Variants in ADGRV1 observed in about 807,000 individuals in gnomAD.
ADGRV1 encodes the protein adhesion G protein-coupled receptor V1, also known as G-protein coupled receptor 98.
ADGRV1 carries 359 observed loss-of-function variants against 596.2 expected under a neutral mutation model. That is an observed-to-expected ratio of 0.60 (90% CI 0.55 to 0.66). ADGRV1 has a LOEUF of 0.66. Ranked by LOEUF, ADGRV1 falls within the 30% of genes least tolerant of loss-of-function variation. The pLI, the probability that ADGRV1 is intolerant of heterozygous loss-of-function variation, is 0.00. For synonymous variants in ADGRV1, 2,681 were observed against 2,679.2 expected (o/e 1.00, Z -0.02); for missense variants, 7,274 against 7,575.6 (o/e 0.96, Z 1.48).
intron 11 of ADGRV1, among the ~76,000 whole-genome samples, chr5:90,638,226 G>A (rs989595551): frequency 6.6e-6 from 1 of 151,502 alleles, no homozygotes; most frequent in Non-Finnish European, 1.5e-5. Context: ...ATGAAACATA[G>A]CTAATATGTT....
At chr5:90,808,621 G>A (rs915561821) in intron 73 of ADGRV1, among the ~76,000 whole-genome samples, 3 of 152,210 alleles carry the variant, frequency 2.0e-5, no homozygotes, top group Non-Finnish European at 4.4e-5. Context: ...TTGGCCAGGC[G>A]TGGCGGCTCA....
intron 1 of ADGRV1, among the ~76,000 whole-genome samples, chr5:90,568,895 C>T (rs1449968633): frequency 6.6e-6 from 1 of 152,090 alleles, no homozygotes; most frequent in Non-Finnish European, 1.5e-5. Context: ...CATTTTCTGT[C>T]CTAATGTCTA....
At chr5:91,137,929 G>T (rs909430161) in intron 87 of ADGRV1, among the ~76,000 whole-genome samples, 27 of 152,212 alleles carry the variant, frequency 1.8e-4, no homozygotes, top group African/African-American at 6.3e-4. Flanking sequence ...CTGGATTTAC[G>T]TAAGGATAAA....
At chr5:90,729,054 TGATA>T in intron 49 of ADGRV1, 121 bp downstream of exon 49, 1 of 688,244 alleles carries the variant, frequency 1.5e-6, no homozygotes, top group South Asian at 2.6e-5. Context: ...GAATATTTCT[TGATA>T]GATAAGTATT....
chr5:90,846,141 G>T (rs1240652654), intron 78 of ADGRV1, among the ~76,000 whole-genome samples: 1 of 152,134 alleles, frequency 6.6e-6, no homozygotes, highest in East Asian at 1.9e-4. Context: ...TCATTTCAAG[G>T]TTGTCATAAG....
rs757909771 is a variant in ADGRV1, at chr5:90,851,134, T to TGTGTGTGTGAGAGAGAGAGA, written c.17205-2149_17205-2148insTGTGTGTGAGAGAGAGAGAG. 3.0e-3 allele frequency among the ~76,000 whole-genome samples: 247 copies of TGTGTGTGTGAGAGAGAGAGA among 81,468 alleles called. 2 individuals carry two copies. The highest frequency in any genetic ancestry group is 5.2e-3 in the East Asian group (12 of 2,318). The allele number at this position is 81,468 out of a possible 152,430, so 53.4% of individuals were successfully genotyped here. A position where few individuals can be genotyped will look rare whatever the true frequency, so the allele number is the denominator to read the frequency against. ...GTGTGTGTGTGTGTGTGTGTGTGTG[T>TGTGTGTGTGAGAGAGAGAGA]GAGAGAGAGAGAGAGAGAGAGAGAG... On this transcript the variant is annotated intron_variant, in intron 79 of 89. Coordinates refer to ENST00000405460, the MANE Select transcript of ADGRV1 (RefSeq NM_032119.4).
chr5:90,679,901 A>G (rs1302004364), intron 26 of ADGRV1, among the ~76,000 whole-genome samples: 1 of 152,148 alleles, frequency 6.6e-6, no homozygotes, highest in African/African-American at 2.4e-5. Flanking sequence ...CCTGATTCTA[A>G]TTGTGATAGA....
rs200395138 is a variant in ADGRV1, at chr5:90,778,133, T to TTG, written c.12666+101_12666+102dup. 6.6e-3 allele frequency: 9,270 copies of TTG among 1,399,608 alleles called. 502 individuals are homozygous for TTG. The African/African-American group carries it at 0.12, about 18-fold the overall frequency. The allele number at this position is 1,399,608 out of a possible 1,614,324, so 86.7% of individuals were successfully genotyped here. On this transcript the variant is annotated intron_variant, in intron 62 of 89. Coordinates refer to ENST00000405460, the MANE Select transcript of ADGRV1 (RefSeq NM_032119.4). ...AGCATATGTGTATGTGTGGGTGTGTTTGTGTGTGTGTGGTTAGAAGTGGGG... is the reference window on the plus strand; with the variant it reads ...AGCATATGTGTATGTGTGGGTGTGTTTGTGTGTGTGTGTGGTTAGAAGTGGGG...
chr5:90,948,092 C>T (rs972515626), intron 83 of ADGRV1, among the ~76,000 whole-genome samples: 2 of 152,048 alleles, frequency 1.3e-5, no homozygotes, highest in African/African-American at 4.8e-5. Flanking sequence ...TGCAGCTACT[C>T]CACAAGGCAG....
At chr5:90,801,237 C>G (rs529024978) in intron 70 of ADGRV1, among the ~76,000 whole-genome samples, 3 of 152,078 alleles carry the variant, frequency 2.0e-5, no homozygotes, top group Non-Finnish European at 2.9e-5. Flanking sequence ...GGTGAACCAG[C>G]TTTTCCTCAA....
At position 90,627,459 on chromosome 5, in the gene ADGRV1, C is replaced by G. The variant is rs979845466; in HGVS notation, c.921C>G (p.Val307=). The change falls in exon 7 of 90, where the codon GTC becomes GTG. Residue 307 remains valine (V), a synonymous_variant. Coordinates refer to ENST00000405460, the MANE Select transcript of ADGRV1 (RefSeq NM_032119.4). ...ATGAGGTTTCAATCAGTTATGCTGT[C>G]ACAACTGGGAATTCCACAGCACATG... The part of the protein sequence containing the change: ...DEYEVSISYA[V]TTGNSTAHAQ... The G allele has an allele frequency of 1.2e-6, 2 of 1,613,818 alleles. No individual in the cohort carries two copies. The highest frequency in any genetic ancestry group is 1.7e-5 in the Admixed American group (1 of 60,000).
intron 38 of ADGRV1, among the ~76,000 whole-genome samples, chr5:90,707,107 A>G (rs886949589): frequency 2.6e-5 from 4 of 152,142 alleles, no homozygotes; most frequent in African/African-American, 9.7e-5. Flanking sequence ...GACCACTTAA[A>G]TTAGAGATAG....
chr5:90,759,577 G>C lies in ADGRV1; in HGVS notation c.12109G>C (p.Glu4037Gln). 3.7e-6 allele frequency: 6 copies of C among 1,612,942 alleles called. No individual in the cohort carries two copies. The highest frequency in any genetic ancestry group is 5.1e-6 in the Non-Finnish European group (6 of 1,179,160). ...NDSPFGVFGF[E>Q]EKTVMIDESL... ...TTCTCCATTTGGAGTATTTGGATTTGAAGAAAAGACTGTAAGTTAAACATA... is the reference window on the plus strand; with the variant it reads ...TTCTCCATTTGGAGTATTTGGATTTCAAGAAAAGACTGTAAGTTAAACATA... Residue 4037 changes from glutamate (E) to glutamine (Q), a missense_variant, in exon 58 of 90, where the codon GAA becomes CAA. Coordinates refer to ENST00000405460, the MANE Select transcript of ADGRV1 (RefSeq NM_032119.4).
At chr5:90,565,476 T>G (rs1049197672) in intron 1 of ADGRV1, among the ~76,000 whole-genome samples, 1 of 152,248 alleles carries the variant, frequency 6.6e-6, no homozygotes, top group African/African-American at 2.4e-5. Context: ...AGCATGATGT[T>G]TTAAAGATTC....
intron 83 of ADGRV1, among the ~76,000 whole-genome samples, chr5:90,872,122 A>C (rs546564961): frequency 5.2e-4 from 79 of 152,248 alleles, no homozygotes; most frequent in Non-Finnish European, 3.5e-4. Flanking sequence ...AATCAGCTGC[A>C]AGGGAGGGGA....
intron 1 of ADGRV1, among the ~76,000 whole-genome samples, chr5:90,612,535 A>C (rs1293526607): frequency 1.3e-5 from 2 of 152,124 alleles, no homozygotes; most frequent in Middle Eastern, 3.4e-3. Context: ...GCATATGTTG[A>C]CTAACCCATC....
intron 83 of ADGRV1, among the ~76,000 whole-genome samples, chr5:90,889,738 GTA>G (rs1770634265): frequency 6.6e-6 from 1 of 151,820 alleles, no homozygotes; most frequent in African/African-American, 2.4e-5. Flanking sequence ...CATATTTAAT[GTA>G]TATCAAGTTA....
At chr5:91,035,861 T>TAATATA in intron 85 of ADGRV1, among the ~76,000 whole-genome samples, 17 of 96,382 alleles carry the variant, frequency 1.8e-4, no homozygotes, top group South Asian at 3.5e-4. Flanking sequence ...TATATATATA[T>TAATATA]TATATATATA....
At chr5:91,076,880 C>T (rs1788902963) in intron 86 of ADGRV1, among the ~76,000 whole-genome samples, 1 of 151,596 alleles carries the variant, frequency 6.6e-6, no homozygotes, top group Non-Finnish European at 1.5e-5. Context: ...TTTAATTATA[C>T]TTTAAGTTCT....
Sources: gnomAD v4.1 joint callset for allele counts (sites outside exome capture counted in the v4.1 genomes callset) on GRCh38, gnomAD v4.1.1 for gene constraint, MANE v1.5 for transcripts, NCBI Gene and HGNC (gene_info 2026-07-23, HGNC 2026-07-21) for gene names.